The following ASAH1 variants were observed in gnomAD, a reference collection of about 807,000 sequenced individuals.
ASAH1 encodes N-acylsphingosine amidohydrolase 1, also known as acid ceramidase.
A neutral mutation model predicts 59.5 loss-of-function variants in ASAH1; 70 were observed. The observed-to-expected ratio is 1.18, with a 90% CI of 0.97 to 1.43. The LOEUF is 1.43. ASAH1 is among the 40% of genes most tolerant of loss of function. ASAH1 has a pLI of 0.00. For missense variants in ASAH1, 660 were observed against 482.5 expected (o/e 1.37, Z -3.45); for synonymous variants, 213 against 166.5 (o/e 1.28, Z -2.15).
chr8:18,067,278 A>C lies in ASAH1; in HGVS notation c.324T>G (p.Phe108Leu). 6.2e-7 allele frequency: 1 copy of C among 1,602,030 alleles called. No homozygotes were observed. Among genetic ancestry groups the C allele is most frequent in the South Asian group, 1.1e-5 (1 of 87,916 alleles). ...DEKLPGLLGN[F>L]PGPFEEEMKG... ...TCATTTCCTCTTCAAAAGGGCCAGGAAAGTTGCCAAGTAGGCCAGGCTGGA... is the reference window on the plus strand; with the variant it reads ...TCATTTCCTCTTCAAAAGGGCCAGGCAAGTTGCCAAGTAGGCCAGGCTGGA... Residue 108 changes from phenylalanine (F) to leucine (L), a missense_variant, in exon 5 of 14, where the codon TTT (phenylalanine) becomes TTG (leucine). Transcript: ENST00000637790.
intron 1 of ASAH1, among the ~76,000 whole-genome samples, chr8:18,078,820 T>C (rs1161818588): frequency 6.6e-6 from 1 of 152,126 alleles, no homozygotes; most frequent in Admixed American, 6.5e-5. Flanking sequence ...GTACACCCTA[T>C]CACAGGAAAC....
intron 1 of ASAH1, among the ~76,000 whole-genome samples, chr8:18,082,827 A>G (rs1037127441): frequency 1.3e-5 from 2 of 152,178 alleles, no homozygotes; most frequent in Non-Finnish European, 2.9e-5. Flanking sequence ...TGACAGTATC[A>G]AAGTATCAAA....
At position 18,057,612 on chromosome 8, in the gene ASAH1, G is replaced by C; in HGVS notation, c.1110C>G (p.Tyr370Ter). Residue 370 changes from tyrosine to a stop codon, truncating the protein, a stop_gained, in exon 14 of 14, where the codon TAC becomes TAG. Transcript: ENST00000637790. LOFTEE classifies it high-confidence loss of function. ...CTTTGGTAACATCTATCAAGGTTGTGTATACGGTCAGCTGAAAGAAAAGTT... is the reference window on the plus strand; with the variant it reads ...CTTTGGTAACATCTATCAAGGTTGTCTATACGGTCAGCTGAAAGAAAAGTT... ...TKPVLNKLTV[Y>*]TTLIDVTKGQ... The C allele has an allele frequency of 6.2e-7, 1 of 1,601,724 alleles. No individual in the cohort carries two copies. The highest frequency in any genetic ancestry group is 8.5e-7 in the Non-Finnish European group (1 of 1,171,954).
At chr8:18,061,514 T>A in intron 9 of ASAH1, 56 bp from the exon 10 acceptor site, 1 of 1,510,204 alleles carries the variant, frequency 6.6e-7, no homozygotes, top group Non-Finnish European at 9.2e-7. Context: ...ATGTAACCAG[T>A]CAGGACCCGG....
At chr8:18,059,735 A>C (rs1429303307) in intron 10 of ASAH1, 32 bp from the exon 11 acceptor site, 1 of 1,555,820 alleles carries the variant, frequency 6.4e-7, no homozygotes, top group African/African-American at 1.4e-5. Flanking sequence ...GAAAAATGAA[A>C]CTTTTTTTTA....
rs1000246630 is a variant in ASAH1 at position 18,084,083 on chromosome 8, C to G, written c.-25G>C. ...TCGCTCTAGCAGCCAACGCCACTCC[C>G]CGGACTCCAGCAGAGGCAAAGAAGA... On this transcript the variant is annotated 5_prime_UTR_variant, in exon 1 of 14. Transcript: ENST00000637790. 3.8e-6 allele frequency: 6 copies of G among 1,597,852 alleles called. No individual in the cohort carries two copies. The highest frequency in any genetic ancestry group is 1.1e-5 in the South Asian group (1 of 91,040).
At chr8:18,073,195 A>T in intron 2 of ASAH1, 1 of 1,445,612 alleles carries the variant, frequency 6.9e-7, no homozygotes, top group Non-Finnish European at 9.6e-7. Context: ...CAGTTTTCTA[A>T]AACATTTCAG....
chr8:18,078,694 A>G (rs1021483621), intron 1 of ASAH1, among the ~76,000 whole-genome samples: 1 of 152,230 alleles, frequency 6.6e-6, no homozygotes, highest in Non-Finnish European at 1.5e-5. Flanking sequence ...CCAAGTTTAT[A>G]AACAGTTTAA....
At chr8:18,077,710 C>A (rs1028251392) in intron 1 of ASAH1, among the ~76,000 whole-genome samples, 3 of 152,142 alleles carry the variant, frequency 2.0e-5, no homozygotes, top group African/African-American at 7.2e-5. Context: ...CTACTACAAT[C>A]GAATACAATT....
At position 18,064,441 on chromosome 8, in the gene ASAH1, C is replaced by T. The variant is rs1431057403; in HGVS notation, c.457+16G>A. 2 of 1,547,330 alleles carry T rather than the reference C, an allele frequency of 1.3e-6. No homozygotes were observed. The highest frequency in any genetic ancestry group is 1.8e-6 in the Non-Finnish European group (2 of 1,121,768). ...TAGTGCTTCATGCTGCCCACCCTCCCTCAGCGCACAATTACCTTTTTTGTC... is the reference window on the plus strand; with the variant it reads ...TAGTGCTTCATGCTGCCCACCCTCCTTCAGCGCACAATTACCTTTTTTGTC... On this transcript the variant is annotated intron_variant, in intron 6 of 13. Transcript: ENST00000637790.
rs760394354 is a variant in ASAH1 at position 18,084,070 on chromosome 8, C to T, written c.-12G>A. 2.5e-6 allele frequency: 4 copies of T among 1,598,460 alleles called. No individual in the cohort carries two copies. The highest frequency in any genetic ancestry group is 3.3e-4 in the Middle Eastern group (2 of 6,004). On this transcript the variant is annotated 5_prime_UTR_variant, in exon 1 of 14. Transcript: ENST00000637790. The stretch of plus-strand genomic sequence containing the variant: ...CTCCGGCCCGGCATCGCTCTAGCAG[C>T]CAACGCCACTCCCCGGACTCCAGCA...
At chr8:18,081,270 T>C (rs917286914) in intron 1 of ASAH1, among the ~76,000 whole-genome samples, 2 of 152,108 alleles carry the variant, frequency 1.3e-5, no homozygotes, top group African/African-American at 4.8e-5. Flanking sequence ...CTCCTGATTT[T>C]TTTCTAGAAC....
chr8:18,065,882 T>TTGTGTGTGTGTGTGTGTGTG (rs71215300), intron 5 of ASAH1: 2 of 143,542 alleles, frequency 1.4e-5, no homozygotes, highest in Admixed American at 7.0e-5. Flanking sequence ...CAGATACACA[T>TTGTGTGTGTGTGTGTGTGTG]TGTGTGTGTG....
intron 1 of ASAH1, chr8:18,083,523 C>G (rs1800750082): frequency 4.9e-6 from 1 of 206,088 alleles, no homozygotes; most frequent in Admixed American, 5.5e-5. Context: ...AAGCTTGGGA[C>G]CACTCAGCGT....
chr8:18,069,946 C>G, intron 3 of ASAH1, 68 bp from the exon 4 acceptor site: 1 of 1,121,578 alleles, frequency 8.9e-7, no homozygotes, highest in Non-Finnish European at 1.3e-6. Flanking sequence ...TTTTGGCTTA[C>G]CCATATGTAG....
At chr8:18,059,812 T>C in intron 10 of ASAH1, 109 bp from the exon 11 acceptor site, 1 of 1,164,206 alleles carries the variant, frequency 8.6e-7, no homozygotes, top group Non-Finnish European at 1.2e-6. Context: ...GTGCTGAACG[T>C]GCAGGTTTGT....
Position 18,056,884 on chromosome 8 carries a change from T to C in ASAH1, c.*650A>G, listed in dbSNP as rs1036682200. On this transcript the variant is annotated 3_prime_UTR_variant, in exon 14 of 14. Transcript: ENST00000637790. Reference sequence around the variant, plus strand: ...AAAAGGGAACACTTCAATTATTGTATAAAAGATTGCTTTGCATACTGATTA... The same window carrying C: ...AAAAGGGAACACTTCAATTATTGTACAAAAGATTGCTTTGCATACTGATTA... 3 of 152,250 alleles carry C rather than the reference T, an allele frequency of 2.0e-5. No homozygotes were observed. Among genetic ancestry groups the C allele is most frequent in the South Asian group, 2.1e-4 (1 of 4,834 alleles). 9.4% of individuals were successfully genotyped at this position (152,250 alleles called of 1,614,324 possible). A position where few individuals can be genotyped will look rare whatever the true frequency, so the allele number is the denominator to read the frequency against.
intron 12 of ASAH1, chr8:18,059,130 G>A (rs1799583456): frequency 1.3e-6 from 1 of 745,396 alleles, no homozygotes; most frequent in African/African-American, 1.8e-5. Flanking sequence ...ACTTCAGAGT[G>A]GTATCCAGCA....
At position 18,067,247 on chromosome 8, in the gene ASAH1, T is replaced by C. The variant is rs754641991; in HGVS notation, c.355A>G (p.Ile119Val). 1.9e-6 allele frequency: 3 copies of C among 1,601,616 alleles called. No individual in the cohort carries two copies. The highest frequency in any genetic ancestry group is 2.7e-5 in the African/African-American group (2 of 74,222). Residue 119 changes from isoleucine (I) to valine (V), a missense_variant, in exon 5 of 14, where the codon ATT becomes GTT. Transcript: ENST00000637790. ...PGPFEEEMKG[I>V]AAVTDIPLGE... ...AAAGGTATATCAGTAACAGCGGCAA[T>C]ACCCTTCATTTCCTCTTCAAAAGGG...
Sources: allele counts gnomAD v4.1 joint callset (sites outside exome capture counted in the v4.1 genomes callset), GRCh38; gene constraint gnomAD v4.1.1; transcripts MANE v1.5; gene names NCBI Gene and HGNC (gene_info 2026-07-23, HGNC 2026-07-21).